ZBTB20: variants seen among roughly 807,000 people sequenced by gnomAD.
The protein encoded by ZBTB20 is zinc finger and BTB domain containing 20, also known as zinc finger and BTB domain-containing protein 20.
In ZBTB20, 9 loss-of-function variants were observed where a neutral mutation model predicts 56.9. That is an observed-to-expected ratio of 0.16 (90% CI 0.10 to 0.28). ZBTB20 has a LOEUF of 0.28. Among genes scored for constraint, ZBTB20 ranks in the 10% least tolerant of loss-of-function variants. The pLI, the probability that ZBTB20 is intolerant of heterozygous loss-of-function variation, is 1.00. For synonymous variants in ZBTB20, 417 were observed against 420.7 expected (o/e 0.99, Z 0.11); for missense variants, 655 against 1,003.0 (o/e 0.65, Z 4.69).
chr3:114,365,403 G>A (rs1404935340), intron 10 of ZBTB20, among the ~76,000 whole-genome samples: 1 of 152,174 alleles, frequency 6.6e-6, no homozygotes, highest in Non-Finnish European at 1.5e-5. Flanking sequence ...CCAGCAGGAG[G>A]GCACTAAGAT....
intron 6 of ZBTB20, among the ~76,000 whole-genome samples, chr3:114,539,680 C>G (rs1228224904): frequency 6.6e-6 from 1 of 152,074 alleles, no homozygotes; most frequent in Non-Finnish European, 1.5e-5. Context: ...TACTGTACCA[C>G]TCTATTATCA....
At chr3:114,919,704 CAAA>C (rs974195153) in intron 3 of ZBTB20, among the ~76,000 whole-genome samples, 1 of 125,800 alleles carries the variant, frequency 7.9e-6, no homozygotes, top group Non-Finnish European at 1.7e-5. Flanking sequence ...GACTCCATCT[CAAA>C]AAAAAAAAAG....
chr3:114,935,609 G>C (rs1201292101), intron 3 of ZBTB20, among the ~76,000 whole-genome samples: 3 of 152,276 alleles, frequency 2.0e-5, no homozygotes, highest in Admixed American at 1.3e-4. Flanking sequence ...AATGTATGAA[G>C]AAGCATGTTT....
At chr3:114,995,044 C>T (rs765530239) in intron 2 of ZBTB20, among the ~76,000 whole-genome samples, 4 of 151,632 alleles carry the variant, frequency 2.6e-5, no homozygotes, top group East Asian at 1.9e-4. Context: ...AAAACTGCAC[C>T]GAATGTTCAT....
chr3:114,738,203 A>G (rs1324346242), intron 5 of ZBTB20, among the ~76,000 whole-genome samples: 1 of 152,062 alleles, frequency 6.6e-6, no homozygotes, highest in East Asian at 1.9e-4. Context: ...TAGATATGGT[A>G]AATATATTTA....
intron 1 of ZBTB20, among the ~76,000 whole-genome samples, chr3:115,101,523 G>A (rs141689778): frequency 0.011 from 1,705 of 151,942 alleles, 24 homozygotes; most frequent in Non-Finnish European, 0.019. Context: ...CACTCTCCTC[G>A]TCCCCGAATT....
At chr3:114,668,001 T>G (rs2061155317) in intron 6 of ZBTB20, among the ~76,000 whole-genome samples, 1 of 151,192 alleles carries the variant, frequency 6.6e-6, no homozygotes, top group Admixed American at 6.6e-5. Context: ...ATGAAAATTT[T>G]GTGTTACATA....
intron 6 of ZBTB20, among the ~76,000 whole-genome samples, chr3:114,692,343 T>C (rs1185766426): frequency 6.6e-6 from 1 of 151,996 alleles, no homozygotes; most frequent in African/African-American, 2.4e-5. Context: ...GTGAGATGGA[T>C]ATGCTCAGAG....
At chr3:115,038,723 C>T (rs947015665) in intron 2 of ZBTB20, among the ~76,000 whole-genome samples, 7 of 151,798 alleles carry the variant, frequency 4.6e-5, no homozygotes, top group Admixed American at 1.3e-4. Flanking sequence ...AAACTATTAA[C>T]GTCATTATAT....
intron 3 of ZBTB20, among the ~76,000 whole-genome samples, chr3:114,926,676 G>T (rs1057500878): frequency 1.3e-5 from 2 of 152,152 alleles, no homozygotes; most frequent in Non-Finnish European, 1.5e-5. Context: ...AGAAATATAT[G>T]CCATCAAATA....
At chr3:115,041,037 A>AT (rs1229689185) in intron 2 of ZBTB20, among the ~76,000 whole-genome samples, 1 of 152,152 alleles carries the variant, frequency 6.6e-6, no homozygotes, top group Non-Finnish European at 1.5e-5. Flanking sequence ...GGGAACACGC[A>AT]TTTTTTAAAA....
intron 6 of ZBTB20, among the ~76,000 whole-genome samples, chr3:114,540,988 G>A (rs554082264): frequency 6.6e-6 from 1 of 151,950 alleles, no homozygotes; most frequent in South Asian, 2.1e-4. Context: ...ACTTTTTCCT[G>A]AGATTCTTGT....
chr3:114,499,841 C>T (rs1202596399), intron 7 of ZBTB20, among the ~76,000 whole-genome samples: 2 of 152,068 alleles, frequency 1.3e-5, no homozygotes, highest in East Asian at 3.9e-4. Flanking sequence ...CTGTAGACTT[C>T]ATAATTTTGC....
chr3:114,538,904 A>T (rs1241449912), intron 6 of ZBTB20, among the ~76,000 whole-genome samples: 1 of 152,188 alleles, frequency 6.6e-6, no homozygotes, highest in Non-Finnish European at 1.5e-5. Context: ...ACTTGAGCAC[A>T]TGCCAATGAG....
chr3:114,560,161 C>A (rs948149731), intron 6 of ZBTB20, among the ~76,000 whole-genome samples: 2 of 152,124 alleles, frequency 1.3e-5, no homozygotes, highest in African/African-American at 2.4e-5. Flanking sequence ...TTTCCACATA[C>A]TATCAAAGCA....
In ZBTB20 at chr3:114,956,805, G is replaced by A. The variant is rs553830159; in HGVS notation, c.-456+17561C>T. ...AGGCCTAATATACCAAATCATTATC[G>A]AACAGCTTAGGGATGACTCACTTTG... On this transcript the variant is annotated intron_variant, in intron 3 of 11. Coordinates refer to ENST00000675478, the MANE Select transcript of ZBTB20 (RefSeq NM_001348800.3). Among the ~76,000 whole-genome samples, 10 of 152,184 alleles carry A rather than the reference G, an allele frequency of 6.6e-5. No individual in the cohort carries two copies. The East Asian group carries it at 1.5e-3, about 24-fold the overall frequency.
chr3:115,099,789 C>T (rs1369775310), intron 1 of ZBTB20, among the ~76,000 whole-genome samples: 3 of 152,078 alleles, frequency 2.0e-5, no homozygotes, highest in African/African-American at 7.2e-5. Flanking sequence ...ATAAGGACAA[C>T]ATGATATATA....
chr3:114,707,959 T>A (rs1012017612), intron 5 of ZBTB20, among the ~76,000 whole-genome samples: 1 of 152,182 alleles, frequency 6.6e-6, no homozygotes, highest in African/African-American at 2.4e-5. Context: ...TACTTGGAAT[T>A]GCAAAGTCTC....
intron 3 of ZBTB20, among the ~76,000 whole-genome samples, chr3:114,942,973 C>T (rs932756619): frequency 2.1e-5 from 3 of 144,916 alleles, no homozygotes; most frequent in African/African-American, 8.5e-5. Flanking sequence ...CACTTTTAAC[C>T]CCTAAAACAT....
Sources: gnomAD v4.1 joint callset for allele counts (sites outside exome capture counted in the v4.1 genomes callset) on GRCh38, gnomAD v4.1.1 for gene constraint, MANE v1.5 for transcripts, NCBI Gene and HGNC (gene_info 2026-07-23, HGNC 2026-07-21) for gene names.